Variants in CTNNA2 observed in about 807,000 individuals in gnomAD.
CTNNA2 encodes catenin alpha 2.
CTNNA2 carries 42 observed loss-of-function variants against 101.0 expected under a neutral mutation model. That is an observed-to-expected ratio of 0.42 (90% CI 0.32 to 0.54). The LOEUF (loss-of-function observed/expected upper bound fraction) is 0.54, where lower values mean the gene tolerates loss of function less well. Ranked by LOEUF, CTNNA2 falls within the 20% of genes least tolerant of loss-of-function variation. The probability of loss-of-function intolerance (pLI) is 0.14; values close to 1 mark genes in which losing one functional copy is unlikely to be tolerated. For synonymous variants in CTNNA2, 450 were observed against 456.4 expected (o/e 0.99, Z 0.18); for missense variants, 871 against 1,223.1 (o/e 0.71, Z 4.29).
At chr2:79,951,093 T>C (rs1231781206) in intron 7 of CTNNA2, among the ~76,000 whole-genome samples, 1 of 152,210 alleles carries the variant, frequency 6.6e-6, no homozygotes, top group Non-Finnish European at 1.5e-5. Context: ...TTTTAAAGGA[T>C]TCTGATTTAA....
At chr2:79,581,770 A>C (rs1373028068) in intron 1 of CTNNA2, among the ~76,000 whole-genome samples, 1 of 152,230 alleles carries the variant, frequency 6.6e-6, no homozygotes, top group Non-Finnish European at 1.5e-5. Flanking sequence ...TATTATTATG[A>C]CTAAATCATT....
intron 7 of CTNNA2, among the ~76,000 whole-genome samples, chr2:80,372,396 ACTTTAGCC>A (rs1324202561): frequency 1.4e-5 from 2 of 147,370 alleles, no homozygotes; most frequent in East Asian, 4.0e-4. Context: ...GCTGTTGGCT[ACTTTAGCC>A]CTCATGTAGC....
intron 9 of CTNNA2, among the ~76,000 whole-genome samples, chr2:80,445,698 A>G (rs1349720343): frequency 2.6e-5 from 4 of 152,098 alleles, no homozygotes; most frequent in Non-Finnish European, 5.9e-5. Flanking sequence ...CAGTCTAGGG[A>G]CCCCTACTTT....
intron 2 of CTNNA2, among the ~76,000 whole-genome samples, chr2:79,730,368 A>G (rs777771782): frequency 1.3e-5 from 2 of 152,108 alleles, no homozygotes; most frequent in African/African-American, 2.4e-5. Flanking sequence ...GTAGAAACTA[A>G]TGAACAATAG....
At chr2:80,375,668 C>CA (rs1272255962) in intron 7 of CTNNA2, among the ~76,000 whole-genome samples, 1 of 149,016 alleles carries the variant, frequency 6.7e-6, no homozygotes, top group African/African-American at 2.5e-5. Context: ...AGGTTCATGC[C>CA]ATTCTCCTGC....
intron 9 of CTNNA2, among the ~76,000 whole-genome samples, chr2:80,458,110 T>A (rs1390999882): frequency 6.6e-6 from 1 of 152,204 alleles, no homozygotes; most frequent in Non-Finnish European, 1.5e-5. Flanking sequence ...GCTATAGAAA[T>A]AAGTTGTACA....
At chr2:79,428,797 T>C (rs1231886626) in intron 4 of CTNNA2, among the ~76,000 whole-genome samples, 2 of 152,104 alleles carry the variant, frequency 1.3e-5, no homozygotes, top group East Asian at 3.9e-4. Flanking sequence ...TTTCAGCAAA[T>C]ATTAACAGTC....
chr2:79,701,607 T>C (rs564495994), intron 2 of CTNNA2, among the ~76,000 whole-genome samples: 1 of 152,310 alleles, frequency 6.6e-6, no homozygotes, highest in African/African-American at 2.4e-5. Flanking sequence ...AACCTAGTTA[T>C]CTGGCATATT....
chr2:79,829,254 C>T (rs776741677), intron 3 of CTNNA2, among the ~76,000 whole-genome samples: 5 of 152,002 alleles, frequency 3.3e-5, no homozygotes, highest in Admixed American at 6.6e-5. Context: ...GCGGTTGGCT[C>T]ATGCCTGTAA....
chr2:79,874,377 C>G lies in CTNNA2; in HGVS notation c.852+35C>G, dbSNP rs780202692. On this transcript the variant is annotated intron_variant, in intron 6 of 18. Transcript: ENST00000402739. ...CTGGTGAGGTACACAGAGGGGTGGG[C>G]ACTGGTGTTGACAAAAAAAAAAAAT... 3 of 1,582,650 alleles carry G rather than the reference C, an allele frequency of 1.9e-6. No homozygotes were observed. In the South Asian group the frequency reaches 3.4e-5, roughly 18 times the overall value.
intron 1 of CTNNA2, among the ~76,000 whole-genome samples, chr2:79,564,132 G>A (rs778373330): frequency 6.6e-6 from 1 of 151,932 alleles, no homozygotes; most frequent in African/African-American, 2.4e-5. Flanking sequence ...AGCTGCCTTC[G>A]TTACAGGGAG....
intron 4 of CTNNA2, among the ~76,000 whole-genome samples, chr2:79,378,952 G>A (rs1311566172): frequency 2.6e-5 from 4 of 152,092 alleles, no homozygotes; most frequent in East Asian, 1.9e-4. Context: ...CAGCAGGATC[G>A]CTCAGGTGGA....
intron 1 of CTNNA2, among the ~76,000 whole-genome samples, chr2:79,523,552 T>C (rs1268468713): frequency 6.6e-6 from 1 of 152,200 alleles, no homozygotes; most frequent in Non-Finnish European, 1.5e-5. Flanking sequence ...CAAACAATGC[T>C]AAGATGAACA....
At chr2:79,676,808 G>A (rs1683215732) in intron 2 of CTNNA2, among the ~76,000 whole-genome samples, 2 of 152,260 alleles carry the variant, frequency 1.3e-5, no homozygotes, top group East Asian at 1.9e-4. Flanking sequence ...GTGAGAAATT[G>A]TGAAAAGCTT....
At chr2:79,595,705 T>A (rs1677145372) in intron 1 of CTNNA2, among the ~76,000 whole-genome samples, 1 of 152,114 alleles carries the variant, frequency 6.6e-6, no homozygotes, top group Admixed American at 6.6e-5. Context: ...ACCTTCGTTT[T>A]CCTTTATATG....
At chr2:79,963,408 ACAAATACGATGTATACAT>A (rs2104541037) in intron 7 of CTNNA2, among the ~76,000 whole-genome samples, 1 of 152,306 alleles carries the variant, frequency 6.6e-6, no homozygotes, top group South Asian at 2.1e-4. Flanking sequence ...ACCAGGGTAG[ACAAATACGATGTATACAT>A]CCAGCAGCAT....
At chr2:79,543,534 A>G (rs926907078) in intron 1 of CTNNA2, among the ~76,000 whole-genome samples, 2 of 152,024 alleles carry the variant, frequency 1.3e-5, no homozygotes, top group Non-Finnish European at 2.9e-5. Flanking sequence ...TATTATTTTG[A>G]CTGTTTTGAT....
intron 18 of CTNNA2, among the ~76,000 whole-genome samples, chr2:80,628,253 GA>G (rs552127398): frequency 5.4e-5 from 8 of 147,004 alleles, no homozygotes; most frequent in African/African-American, 1.5e-4. Context: ...CACAGAATTG[GA>G]AAAAAAAACA....
intron 2 of CTNNA2, among the ~76,000 whole-genome samples, chr2:79,741,207 T>C (rs778332666): frequency 9.9e-5 from 15 of 152,192 alleles, no homozygotes; most frequent in Non-Finnish European, 2.1e-4. Flanking sequence ...AAACTACTTT[T>C]GCTGCTTCCA....
Sources: allele counts gnomAD v4.1 joint callset (sites outside exome capture counted in the v4.1 genomes callset), GRCh38; gene constraint gnomAD v4.1.1; transcripts MANE v1.5; gene names NCBI Gene and HGNC (gene_info 2026-07-23, HGNC 2026-07-21).